The following SNAP25 variants were observed in gnomAD, a reference collection of about 807,000 sequenced individuals.
SNAP25 encodes synaptosomal-associated protein 25.
SNAP25 carries 3 observed loss-of-function variants against 28.7 expected under a neutral mutation model. The observed-to-expected ratio is 0.10, with a 90% CI of 0.05 to 0.27. SNAP25 has a LOEUF of 0.27. Ranked by LOEUF, SNAP25 falls within the 10% of genes least tolerant of loss-of-function variation. The pLI is 1.00. For synonymous variants in SNAP25, 61 were observed against 88.1 expected (o/e 0.69, Z 1.72); for missense variants, 117 against 278.7 (o/e 0.42, Z 4.13).
chr20:10,234,907 A>G (rs1188532153), intron 1 of SNAP25, among the ~76,000 whole-genome samples: 1 of 152,190 alleles, frequency 6.6e-6, no homozygotes, highest in Non-Finnish European at 1.5e-5. Flanking sequence ...AATAAAATAA[A>G]TAGGGATTAG....
At chr20:10,283,233 A>G (rs2063811546) in intron 3 of SNAP25, among the ~76,000 whole-genome samples, 8 of 152,224 alleles carry the variant, frequency 5.3e-5, no homozygotes, top group Admixed American at 5.2e-4. Flanking sequence ...AGCACATTCC[A>G]CATATTAATT....
chr20:10,293,153 T>A lies in SNAP25; in HGVS notation c.164-8T>A. The A allele has an allele frequency of 6.2e-7, 1 of 1,611,216 alleles. No homozygotes were observed. The highest frequency in any genetic ancestry group is 8.5e-7 in the Non-Finnish European group (1 of 1,177,512). On this transcript the variant is annotated splice_region_variant and splice_polypyrimidine_tract_variant and intron_variant, in intron 4 of 7. Transcript: ENST00000254976. The surrounding 1 kb of genome is among the most constrained non-coding windows in gnomAD (Gnocchi z 5.6). ...TTCTGTGGGGATAAAATACTTGTGT[T>A]TAATCAGAACAACTGGAACGCATTG...
chr20:10,281,598 A>T (rs1353203581), intron 3 of SNAP25, among the ~76,000 whole-genome samples: 4 of 152,224 alleles, frequency 2.6e-5, no homozygotes, highest in African/African-American at 9.6e-5. Context: ...TGCTTGAGAC[A>T]CACAGGTATA....
chr20:10,259,256 C>T (rs1428775577), intron 1 of SNAP25, among the ~76,000 whole-genome samples: 1 of 152,158 alleles, frequency 6.6e-6, no homozygotes, highest in Non-Finnish European at 1.5e-5. Flanking sequence ...ATTAGGTTGG[C>T]ATTTTTGTTT....
At chr20:10,247,581 G>T (rs905113838) in intron 1 of SNAP25, among the ~76,000 whole-genome samples, 1 of 152,166 alleles carries the variant, frequency 6.6e-6, no homozygotes, top group Non-Finnish European at 1.5e-5. Context: ...TTTTGGTAAA[G>T]GATGTGAAGA....
At chr20:10,305,453 G>T (rs1357266119) in intron 7 of SNAP25, among the ~76,000 whole-genome samples, 1 of 152,108 alleles carries the variant, frequency 6.6e-6, no homozygotes, top group Admixed American at 6.6e-5. Context: ...GAGATGGGAG[G>T]CTCAGTTGAG....
intron 1 of SNAP25, among the ~76,000 whole-genome samples, chr20:10,242,191 C>A (rs1389635399): frequency 1.3e-5 from 2 of 152,068 alleles, no homozygotes; most frequent in African/African-American, 4.8e-5. Context: ...CAAGTGAAAC[C>A]TATGTAAGAA....
Position 10,290,926 on chromosome 20 carries a change from A to G in SNAP25, c.164-2235A>G, listed in dbSNP as rs190891843. Among the ~76,000 whole-genome samples the G allele has an allele frequency of 1.2e-3, 189 of 152,016 alleles. 1 individual carries two copies. The highest frequency in any genetic ancestry group is 4.2e-3 in the African/African-American group (175 of 41,334). ...GATGATGAGTTCCTTTCCCCACACC[A>G]GTCCCTCCACTTGAATATTTACCTT... On this transcript the variant is annotated intron_variant, in intron 4 of 7. Coordinates refer to ENST00000254976, the MANE Select transcript of SNAP25 (RefSeq NM_130811.4).
At chr20:10,266,969 C>A (rs187772233) in intron 1 of SNAP25, among the ~76,000 whole-genome samples, 46 of 152,134 alleles carry the variant, frequency 3.0e-4, no homozygotes, top group Admixed American at 9.2e-4. Flanking sequence ...TCTTTTCAGA[C>A]ACAAATTAAA....
intron 3 of SNAP25, among the ~76,000 whole-genome samples, chr20:10,278,694 A>G (rs950611397): frequency 6.6e-6 from 1 of 152,088 alleles, no homozygotes; most frequent in African/African-American, 2.4e-5. Flanking sequence ...CCCTCATGCT[A>G]TCATAAATTT....
At chr20:10,251,057 CT>C (rs1321648680) in intron 1 of SNAP25, among the ~76,000 whole-genome samples, 2 of 152,174 alleles carry the variant, frequency 1.3e-5, no homozygotes, top group Non-Finnish European at 2.9e-5. Context: ...TGACGCATGA[CT>C]GTATACTCCA....
Position 10,306,198 on chromosome 20 carries a change from G to C in SNAP25, c.*1G>C, listed in dbSNP as rs533404025. 21 of 1,613,456 alleles carry C rather than the reference G, an allele frequency of 1.3e-5. No homozygotes were observed. In the Admixed American group the frequency reaches 2.7e-4, roughly 21 times the overall value. Reference sequence around the variant, plus strand: ...AACAAAGATGCTGGGAAGTGGTTAAGTGTGCCCACCCGTGTTCTCCTCCAA... The same window carrying C: ...AACAAAGATGCTGGGAAGTGGTTAACTGTGCCCACCCGTGTTCTCCTCCAA... On this transcript the variant is annotated 3_prime_UTR_variant, in exon 8 of 8. Transcript: ENST00000254976.
chr20:10,263,850 A>G (rs1300997062), intron 1 of SNAP25, among the ~76,000 whole-genome samples: 2 of 152,202 alleles, frequency 1.3e-5, no homozygotes, highest in Non-Finnish European at 2.9e-5. Flanking sequence ...AATATTGGTT[A>G]AATGAATGAA....
chr20:10,301,552 G>A (rs1199790923), intron 7 of SNAP25, among the ~76,000 whole-genome samples: 3 of 152,036 alleles, frequency 2.0e-5, no homozygotes, highest in East Asian at 3.9e-4. Context: ...TTCTGATAAC[G>A]GGACAGTATG....
chr20:10,285,593 A>C (rs1446844505), intron 4 of SNAP25, among the ~76,000 whole-genome samples: 1 of 152,184 alleles, frequency 6.6e-6, no homozygotes, highest in African/African-American at 2.4e-5. Context: ...TTTTGGAGTC[A>C]TGACTATTTT....
At chr20:10,252,351 T>G (rs1249583263) in intron 1 of SNAP25, among the ~76,000 whole-genome samples, 1 of 152,218 alleles carries the variant, frequency 6.6e-6, no homozygotes, top group Non-Finnish European at 1.5e-5. Context: ...TCAAAACTGA[T>G]TAATGCCCTC....
At chr20:10,238,409 A>C (rs1223136248) in intron 1 of SNAP25, among the ~76,000 whole-genome samples, 2 of 152,236 alleles carry the variant, frequency 1.3e-5, no homozygotes, top group African/African-American at 4.8e-5. Flanking sequence ...TAAGAGAGGG[A>C]ATAATTAATT....
rs1424697783 is a variant in SNAP25 at position 10,306,560 on chromosome 20, T to C, written c.*363T>C. 5.9e-6 allele frequency: 1 copy of C among 168,252 alleles called. No homozygotes were observed. The highest frequency in any genetic ancestry group is 2.4e-5 in the African/African-American group (1 of 42,050). 10.4% of individuals were successfully genotyped at this position (168,252 alleles called of 1,614,324 possible). A position where few individuals can be genotyped will look rare whatever the true frequency, so the allele number is the denominator to read the frequency against. On this transcript the variant is annotated 3_prime_UTR_variant, in exon 8 of 8. Coordinates refer to ENST00000254976, the MANE Select transcript of SNAP25 (RefSeq NM_130811.4). The stretch of plus-strand genomic sequence containing the variant: ...GTATTGTTCTTGTAAAACTGTGACA[T>C]TCCACAGAGTTACTGCCACGGTCCT...
intron 1 of SNAP25, among the ~76,000 whole-genome samples, chr20:10,252,024 C>T (rs1446634053): frequency 4.6e-5 from 7 of 152,172 alleles, no homozygotes; most frequent in East Asian, 1.9e-4. Flanking sequence ...ATGGCTGCCA[C>T]GACCTTCTAG....
Sources: gnomAD v4.1 joint callset for allele counts (sites outside exome capture counted in the v4.1 genomes callset) on GRCh38, gnomAD v4.1.1 for gene constraint, Gnocchi (gnomAD v3.1) non-coding constraint, MANE v1.5 for transcripts, NCBI Gene and HGNC (gene_info 2026-07-23, HGNC 2026-07-21) for gene names.